Variants in KALRN observed in about 807,000 individuals in gnomAD.
KALRN encodes kalirin.
A neutral mutation model predicts 353.7 loss-of-function variants in KALRN; 70 were observed. The observed-to-expected ratio is 0.20, with a 90% confidence interval of 0.16 to 0.24. KALRN has a LOEUF of 0.24. Ranked by LOEUF, KALRN falls within the 10% of genes least tolerant of loss-of-function variation. The pLI, the probability that KALRN is intolerant of heterozygous loss-of-function variation, is 1.00. For missense variants in KALRN, 2,791 were observed against 3,756.7 expected (o/e 0.74, Z 6.72); for synonymous variants, 1,391 against 1,434.8 (o/e 0.97, Z 0.69).
chr3:124,645,223 A>G (rs2082555120), intron 37 of KALRN, among the ~76,000 whole-genome samples: 1 of 152,158 alleles, frequency 6.6e-6, no homozygotes. Flanking sequence ...GATTCTGGAT[A>G]TTAGCCCTTT....
chr3:124,255,641 G>C (rs1293667633), intron 3 of KALRN, among the ~76,000 whole-genome samples: 1 of 152,222 alleles, frequency 6.6e-6, no homozygotes. Context: ...GAGCCTGGCT[G>C]TAGATACCCC....
chr3:124,606,351 G>A (rs1455245906), intron 34 of KALRN, among the ~76,000 whole-genome samples: 1 of 152,184 alleles, frequency 6.6e-6, no homozygotes, highest in Non-Finnish European at 1.5e-5. Flanking sequence ...CTGCCCAAGA[G>A]CTAGAGCCCA....
At chr3:124,308,838 A>T (rs2149286222) in intron 6 of KALRN, among the ~76,000 whole-genome samples, 1 of 152,074 alleles carries the variant, frequency 6.6e-6, no homozygotes, top group African/African-American at 2.4e-5. Flanking sequence ...TAACTAGAGA[A>T]TAGGAAAACA....
intron 3 of KALRN, among the ~76,000 whole-genome samples, chr3:124,263,098 A>G (rs2073090770): frequency 6.6e-6 from 1 of 152,062 alleles, no homozygotes; most frequent in African/African-American, 2.4e-5. Context: ...TTTTCTTCCT[A>G]TTCTCAGGAG....
At chr3:124,249,593 T>C (rs2070829581) in intron 3 of KALRN, among the ~76,000 whole-genome samples, 1 of 152,074 alleles carries the variant, frequency 6.6e-6, no homozygotes, top group Admixed American at 6.5e-5. Context: ...CCCCCTAACA[T>C]AGACCCTGCC....
chr3:124,313,577 G>A (rs1253487986), intron 6 of KALRN, among the ~76,000 whole-genome samples: 1 of 152,218 alleles, frequency 6.6e-6, no homozygotes, highest in African/African-American at 2.4e-5. Flanking sequence ...ACCCAAAGGA[G>A]AGAAGGGTGT....
chr3:124,698,713 G>A (rs537950452), intron 55 of KALRN, among the ~76,000 whole-genome samples: 4 of 151,624 alleles, frequency 2.6e-5, no homozygotes, highest in South Asian at 2.1e-4. Flanking sequence ...AGTGTAGTAC[G>A]GGTGGAGTTC....
intron 34 of KALRN, among the ~76,000 whole-genome samples, chr3:124,627,456 GT>G (rs2080086026): frequency 6.6e-6 from 1 of 152,220 alleles, no homozygotes; most frequent in South Asian, 2.1e-4. Flanking sequence ...CATTCAAAAT[GT>G]GCATTTGTGA....
Position 124,721,158 on chromosome 3 carries a change from T to TAA in KALRN, c.*1691_*1692dup, listed in dbSNP as rs1440788472. The TAA allele has an allele frequency of 6.6e-6, 1 of 152,186 alleles. No homozygotes were observed. Among genetic ancestry groups the TAA allele is most frequent in the African/African-American group, 2.4e-5 (1 of 41,452 alleles). The allele number at this position is 152,186 out of a possible 1,614,324, so 9.4% of individuals were successfully genotyped here. ...AACACTTATTCCCACAGAGAAAATG[T>TAA]AAAATTAAAAATCATCATCTTTTTT... is the stretch of plus-strand genomic sequence containing the variant. On this transcript the variant is annotated 3_prime_UTR_variant, in exon 60 of 60. Coordinates refer to ENST00000682506, the MANE Select transcript of KALRN (RefSeq NM_001388419.1).
At chr3:124,114,674 C>A (rs142830990) in intron 1 of KALRN, among the ~76,000 whole-genome samples, 2 of 152,140 alleles carry the variant, frequency 1.3e-5, no homozygotes, top group African/African-American at 4.8e-5. Context: ...ATGGCAGGTA[C>A]GGCTGACAAT....
intron 5 of KALRN, among the ~76,000 whole-genome samples, chr3:124,297,624 A>G (rs959201885): frequency 1.3e-5 from 2 of 152,250 alleles, no homozygotes; most frequent in African/African-American, 4.8e-5. Context: ...TGTGATGGCT[A>G]TCTTCAAATA....
At chr3:124,716,168 T>C (rs6766463) in intron 58 of KALRN, among the ~76,000 whole-genome samples, 12,820 of 152,162 alleles carry the variant, frequency 0.084, 904 homozygotes, top group East Asian at 0.32. Flanking sequence ...TGGCTCCATA[T>C]ACCATGTTCT....
intron 37 of KALRN, among the ~76,000 whole-genome samples, chr3:124,641,519 A>T (rs2082039420): frequency 6.6e-6 from 1 of 152,200 alleles, no homozygotes; most frequent in Non-Finnish European, 1.5e-5. Flanking sequence ...TGCCTCTGCT[A>T]TCTACTGTAT....
intron 58 of KALRN, among the ~76,000 whole-genome samples, chr3:124,713,489 A>T (rs1579078575): frequency 6.6e-6 from 1 of 152,136 alleles, no homozygotes; most frequent in East Asian, 1.9e-4. Flanking sequence ...GCTGATTGAC[A>T]GGGTGGAGTT....
At chr3:124,192,156 A>C (rs2074984840) in intron 1 of KALRN, among the ~76,000 whole-genome samples, 1 of 152,238 alleles carries the variant, frequency 6.6e-6, no homozygotes, top group South Asian at 2.1e-4. Context: ...TTTAGAGAAG[A>C]GGCCTTTAAA....
chr3:124,279,205 G>T (rs2075092938), intron 5 of KALRN, among the ~76,000 whole-genome samples: 1 of 152,132 alleles, frequency 6.6e-6, no homozygotes. Context: ...AATCCCTGCT[G>T]GGCCACTTGT....
intron 33 of KALRN, among the ~76,000 whole-genome samples, chr3:124,529,837 A>G (rs1007259168): frequency 7.2e-5 from 11 of 152,010 alleles, no homozygotes; most frequent in Non-Finnish European, 1.5e-4. Context: ...GAACAAGAGA[A>G]TAAATCCAAC....
At chr3:124,368,840 A>T (rs1028075110) in intron 10 of KALRN, among the ~76,000 whole-genome samples, 4 of 152,274 alleles carry the variant, frequency 2.6e-5, no homozygotes, top group African/African-American at 4.8e-5. Flanking sequence ...CTGGCGGATC[A>T]CTCGCGGTTA....
At chr3:124,688,298 G>T (rs116112271) in intron 51 of KALRN, among the ~76,000 whole-genome samples, 1,621 of 136,060 alleles carry the variant, frequency 0.012, 13 homozygotes, top group Middle Eastern at 0.018. Context: ...GAGCAACAGC[G>T]TGAGACCCTG....
Sources: allele counts gnomAD v4.1 joint callset (sites outside exome capture counted in the v4.1 genomes callset), GRCh38; gene constraint gnomAD v4.1.1; transcripts MANE v1.5; gene names NCBI Gene and HGNC (gene_info 2026-07-23, HGNC 2026-07-21).